Variants in GRM4 observed in about 807,000 individuals in gnomAD.
GRM4 encodes the protein glutamate metabotropic receptor 4, also known as metabotropic glutamate receptor 4.
A neutral mutation model predicts 81.7 loss-of-function variants in GRM4; 28 were observed. That is an observed-to-expected ratio of 0.34 (90% CI 0.25 to 0.47). The LOEUF is 0.47. Ranked by LOEUF, GRM4 falls within the 20% of genes least tolerant of loss-of-function variation. GRM4 has a pLI of 1.00. For missense variants in GRM4, 948 were observed against 1,290.0 expected (o/e 0.73, Z 4.06); for synonymous variants, 488 against 528.8 (o/e 0.92, Z 1.06).
chr6:34,040,034 G>T, intron 8 of GRM4, 144 bp downstream of exon 8: 2 of 768,392 alleles, frequency 2.6e-6, no homozygotes, highest in Non-Finnish European at 4.3e-6. Flanking sequence ...AGGTCTGGGA[G>T]AGGGCACTGG....
intron 3 of GRM4, among the ~76,000 whole-genome samples, chr6:34,087,125 CAA>C (rs377361811): frequency 8.3e-6 from 1 of 120,870 alleles, no homozygotes. Flanking sequence ...ACCCAATCTC[CAA>C]AAAAAAAAAG....
At position 34,130,505 on chromosome 6, in the gene GRM4, G is replaced by A. The variant is rs1770192277; in HGVS notation, c.519+2473C>T. On this transcript the variant is annotated intron_variant, in intron 2 of 10. Coordinates refer to ENST00000538487, the MANE Select transcript of GRM4 (RefSeq NM_000841.4). The surrounding 1 kb of genome is among the most constrained non-coding windows in gnomAD (Gnocchi z 4.1). ...AGGGGACACCATGAACCCCCAGGAT[G>A]GTAAGGCTCTTCACCCCAGGCCCCT... is the stretch of plus-strand genomic sequence containing the variant. Among the ~76,000 whole-genome samples the A allele has an allele frequency of 6.6e-6, 1 of 152,122 alleles. No individual in the cohort carries two copies. Among genetic ancestry groups the A allele is most frequent in the African/African-American group, 2.4e-5 (1 of 41,422 alleles).
Position 34,059,219 on chromosome 6 carries a change from C to G in GRM4, c.873-91G>C. 8.4e-7 allele frequency: 1 copy of G among 1,196,714 alleles called. No individual in the cohort carries two copies. The highest frequency in any genetic ancestry group is 1.4e-5 in the South Asian group (1 of 73,852). The allele number at this position is 1,196,714 out of a possible 1,614,324, so 74.1% of individuals were successfully genotyped here. ...ACACTTGCTTTGGGCCCACGTCCCT[C>G]ACCCCCAGAAGCCCAGGGTCCACAA... is the stretch of plus-strand genomic sequence containing the variant. On this transcript the variant is annotated intron_variant, in intron 4 of 10. Coordinates refer to ENST00000538487, the MANE Select transcript of GRM4 (RefSeq NM_000841.4). The surrounding 1 kb of genome is among the most constrained non-coding windows in gnomAD (Gnocchi z 5.7).
chr6:34,086,522 C>T (rs906330827), intron 3 of GRM4, among the ~76,000 whole-genome samples: 21 of 152,256 alleles, frequency 1.4e-4, no homozygotes, highest in African/African-American at 4.8e-4. Flanking sequence ...CTTCCTGCCA[C>T]ACTCAGAGAG....
At position 34,111,461 on chromosome 6, in the gene GRM4, AT is replaced by A. The variant is rs1700565521; in HGVS notation, c.520-19363del. 6.6e-6 allele frequency among the ~76,000 whole-genome samples: 1 copy of A among 152,164 alleles called. No individual in the cohort carries two copies. The highest frequency in any genetic ancestry group is 1.5e-5 in the Non-Finnish European group (1 of 68,016). ...CTGGTGGAGGCAGCATTAACAGTGT[AT>A]TTTGGGGAGCACAAGAGAGTGTTCA... On this transcript the variant is annotated intron_variant, in intron 2 of 10. Coordinates refer to ENST00000538487, the MANE Select transcript of GRM4 (RefSeq NM_000841.4). This position sits in a 1 kb window ranked among gnomAD's most constrained non-coding sequence, Gnocchi z 5.1.
intron 2 of GRM4, among the ~76,000 whole-genome samples, chr6:34,104,632 G>T (rs944243453): frequency 6.6e-6 from 1 of 152,120 alleles, no homozygotes; most frequent in African/African-American, 2.4e-5. Flanking sequence ...CACACACTGC[G>T]TGTCCATTCC....
At chr6:34,132,918 G>C in intron 2 of GRM4, 60 bp downstream of exon 2, 1 of 1,416,006 alleles carries the variant, frequency 7.1e-7, no homozygotes, top group Non-Finnish European at 9.6e-7. Context: ...GCACCCTGAA[G>C]TGGGGCGGGC....
intron 3 of GRM4, among the ~76,000 whole-genome samples, chr6:34,083,985 C>T (rs777912900): frequency 6.6e-6 from 1 of 152,210 alleles, no homozygotes; most frequent in African/African-American, 2.4e-5. Flanking sequence ...CTCCTTTAGG[C>T]CTTGCCGGAC....
At chr6:34,119,505 G>A (rs970472793) in intron 2 of GRM4, among the ~76,000 whole-genome samples, 18 of 152,234 alleles carry the variant, frequency 1.2e-4, no homozygotes, top group African/African-American at 3.6e-4. Context: ...CAGAGGTGGA[G>A]GTGTCACAGG....
intron 6 of GRM4, among the ~76,000 whole-genome samples, chr6:34,044,413 G>GAC (rs1174464170): frequency 3.5e-5 from 3 of 84,878 alleles, no homozygotes; most frequent in Non-Finnish European, 7.7e-5. Flanking sequence ...TATATACACA[G>GAC]ACACACACAT....
intron 3 of GRM4, among the ~76,000 whole-genome samples, chr6:34,083,354 C>T (rs71567419): frequency 0.01 from 1,589 of 152,326 alleles, 16 homozygotes; most frequent in Middle Eastern, 0.024. Flanking sequence ...CAAACAAGCG[C>T]GTGGTTCATC....
At chr6:34,141,503 T>C (rs1369536133) in intron 1 of GRM4, among the ~76,000 whole-genome samples, 2 of 152,232 alleles carry the variant, frequency 1.3e-5, no homozygotes, top group Non-Finnish European at 1.5e-5. Context: ...TACACATACA[T>C]TGATGCCTCA....
chr6:34,051,194 A>G (rs1306130093), intron 6 of GRM4, among the ~76,000 whole-genome samples: 2 of 152,102 alleles, frequency 1.3e-5, no homozygotes, highest in Non-Finnish European at 2.9e-5. Context: ...ATGTCTCTGG[A>G]GCCAAATGGT....
intron 9 of GRM4, among the ~76,000 whole-genome samples, chr6:34,031,490 C>T (rs143510104): frequency 3.9e-5 from 6 of 152,256 alleles, no homozygotes; most frequent in East Asian, 1.9e-4. Flanking sequence ...GTACAGGGTT[C>T]GAGGGGCCCC....
In GRM4 at chr6:34,036,390, G is replaced by A. The variant is rs747536615; in HGVS notation, c.1720C>T (p.Arg574Trp). 1.4e-5 allele frequency: 22 copies of A among 1,611,960 alleles called. No individual in the cohort carries two copies. In the East Asian group the frequency reaches 2.2e-4, roughly 16 times the overall value. ...TCAAGCTTGATGATGGGGATGGGCC[G>A]GCAGCCCGTGCGGTTCTCTGTGGGC... The part of the protein sequence containing the change: ...MRPTENRTGC[R>W]PIPIIKLEWG... Residue 574 changes from arginine (R) to tryptophan (W), a missense_variant, in exon 9 of 11, where the codon CGG (arginine) becomes TGG (tryptophan). By Grantham distance (101) the Arg-to-Trp change is moderately radical. Transcript: ENST00000538487. This position sits in a 1 kb window ranked among gnomAD's most constrained non-coding sequence, Gnocchi z 9.0.
chr6:34,124,442 C>T (rs144643003), intron 2 of GRM4, among the ~76,000 whole-genome samples: 14 of 152,362 alleles, frequency 9.2e-5, no homozygotes, highest in East Asian at 5.8e-4. Flanking sequence ...GCTCCCCTGA[C>T]GATGCGCACT....
At position 34,069,124 on chromosome 6, in the gene GRM4, G is replaced by A. The variant is rs987392651; in HGVS notation, c.737-7096C>T. On this transcript the variant is annotated intron_variant, in intron 3 of 10. Coordinates refer to ENST00000538487, the MANE Select transcript of GRM4 (RefSeq NM_000841.4). This position sits in a 1 kb window ranked among gnomAD's most constrained non-coding sequence, Gnocchi z 6.4. ...GGCTCCCATAGGGGAGGACAGAGGG[G>A]AGGACAGGGGCTGGAAGCTACCCCT... 9.2e-5 allele frequency among the ~76,000 whole-genome samples: 14 copies of A among 151,600 alleles called. No individual in the cohort carries two copies. The highest frequency in any genetic ancestry group is 2.9e-5 in the Non-Finnish European group (2 of 67,922).
intron 2 of GRM4, among the ~76,000 whole-genome samples, chr6:34,129,213 C>T (rs1770143518): frequency 6.6e-6 from 1 of 152,154 alleles, no homozygotes. Context: ...CGGGGTTTCA[C>T]CATGTTGTCC....
intron 6 of GRM4, among the ~76,000 whole-genome samples, chr6:34,044,875 C>T (rs1765281019): frequency 6.7e-6 from 1 of 150,190 alleles, no homozygotes. Context: ...CATACATACA[C>T]ATATATACAG....
Sources: gnomAD v4.1 joint callset for allele counts (sites outside exome capture counted in the v4.1 genomes callset) on GRCh38, gnomAD v4.1.1 for gene constraint, Gnocchi (gnomAD v3.1) non-coding constraint, MANE v1.5 for transcripts, NCBI Gene and HGNC (gene_info 2026-07-23, HGNC 2026-07-21) for gene names.